The following GBP7 variants were observed in gnomAD, a reference collection of about 807,000 sequenced individuals.
GBP7 encodes the protein guanylate-binding protein 7.
Under a neutral mutation model 61.3 loss-of-function variants are expected in GBP7, and 43 were observed. The ratio of observed to expected loss-of-function variants is 0.70; its 90% confidence interval spans 0.55 to 0.91. The LOEUF is 0.91. Ranked by LOEUF, GBP7 falls within the 40% of genes least tolerant of loss-of-function variation. The probability of loss-of-function intolerance (pLI) is 0.00; values close to 1 mark genes in which losing one functional copy is unlikely to be tolerated. For synonymous variants in GBP7, 267 were observed against 271.0 expected, an observed-to-expected ratio of 0.99 and a Z score of 0.14; for missense variants, 717 against 740.5, an observed-to-expected ratio of 0.97 and a Z score of 0.37.
intron 3 of GBP7, among the ~76,000 whole-genome samples, chr1:89,158,148 A>G (rs1010894780): frequency 5.3e-5 from 8 of 152,228 alleles, no homozygotes; most frequent in African/African-American, 1.9e-4. Flanking sequence ...AAGGCCTTGG[A>G]CAAATTCAAC....
At chr1:89,158,703 G>A (rs1039922889) in intron 3 of GBP7, among the ~76,000 whole-genome samples, 1 of 152,068 alleles carries the variant, frequency 6.6e-6, no homozygotes, top group African/African-American at 2.4e-5. Context: ...GCTCAATGAA[G>A]TAAAAGAGGA....
chr1:89,153,654 A>G (rs76484374), intron 3 of GBP7, among the ~76,000 whole-genome samples: 3,254 of 152,344 alleles, frequency 0.021, 35 homozygotes, highest in Middle Eastern at 0.048. Flanking sequence ...GGAGTGGCAG[A>G]TAGCATTGTC....
intron 3 of GBP7, among the ~76,000 whole-genome samples, chr1:89,161,785 G>A (rs1647276937): frequency 6.6e-6 from 1 of 152,004 alleles, no homozygotes; most frequent in Admixed American, 6.6e-5. Flanking sequence ...GTTCCCATTT[G>A]TCAATTTTTG....
intron 8 of GBP7, among the ~76,000 whole-genome samples, chr1:89,142,002 C>T (rs1401438764): frequency 1.3e-5 from 2 of 152,180 alleles, no homozygotes; most frequent in East Asian, 1.9e-4. Context: ...GAAGGCCTGC[C>T]TACCCTTTTC....
chr1:89,169,833 G>A (rs1647549437), intron 2 of GBP7, among the ~76,000 whole-genome samples: 1 of 152,158 alleles, frequency 6.6e-6, no homozygotes, highest in African/African-American at 2.4e-5. Flanking sequence ...AAGAATGATA[G>A]AACAATACTT....
intron 3 of GBP7, among the ~76,000 whole-genome samples, chr1:89,158,564 T>C (rs1682366239): frequency 6.6e-6 from 1 of 152,008 alleles, no homozygotes; most frequent in African/African-American, 2.4e-5. Flanking sequence ...TATACACCAA[T>C]AACAGACAAA....
chr1:89,151,765 T>C (rs1310772588), intron 5 of GBP7, among the ~76,000 whole-genome samples: 1 of 152,162 alleles, frequency 6.6e-6, no homozygotes, highest in East Asian at 1.9e-4. Flanking sequence ...ATTTCCTGAA[T>C]CATTAACTGT....
intron 2 of GBP7, among the ~76,000 whole-genome samples, chr1:89,165,405 T>C (rs1614615): frequency 0.74 from 111,996 of 151,694 alleles, 41,601 homozygotes; most frequent in African/African-American, 0.81. Flanking sequence ...GAGGCTGAGG[T>C]AGGGGAGTCG....
chr1:89,169,623 A>G (rs1384890102), intron 2 of GBP7, among the ~76,000 whole-genome samples: 1 of 152,200 alleles, frequency 6.6e-6, no homozygotes, highest in Non-Finnish European at 1.5e-5. Flanking sequence ...TGGAATTGCT[A>G]AAATAAAAAA....
chr1:89,156,888 C>G (rs1315435774), intron 3 of GBP7, among the ~76,000 whole-genome samples: 1 of 152,228 alleles, frequency 6.6e-6, no homozygotes, highest in African/African-American at 2.4e-5. Flanking sequence ...CACCCCAAAT[C>G]AACAGAATAT....
At chr1:89,162,036 C>T (rs1171182483) in intron 3 of GBP7, among the ~76,000 whole-genome samples, 2 of 119,762 alleles carry the variant, frequency 1.7e-5, no homozygotes, top group East Asian at 2.7e-4. Context: ...AATCTTTTCC[C>T]CATTGCTTTT....
rs1682170565 is a variant in GBP7, at chr1:89,150,540, T to C, written c.661A>G (p.Arg221Gly). The C allele has an allele frequency of 3.7e-6, 6 of 1,613,986 alleles. No individual in the cohort carries two copies. Among genetic ancestry groups the C allele is most frequent in the Non-Finnish European group, 5.1e-6 (6 of 1,179,876 alleles). ...GGAAAGAAATGCCTGATCCACTCCC[T>C]GGGCTTGTTAGAATTTTGGATTTGG... is the stretch of plus-strand genomic sequence containing the variant. ...NPQIQNSNKP[R>G]EWIRHFFPKQ... is the part of the protein sequence containing the mutation. Residue 221 changes from arginine to glycine, a missense_variant, in exon 6 of 11, where the codon AGG (arginine) becomes GGG (glycine). Physicochemically the swap from Arg to Gly is moderately radical, Grantham distance 125. Coordinates refer to ENST00000294671, the MANE Select transcript of GBP7 (RefSeq NM_207398.3).
chr1:89,157,813 A>G (rs1570356116), intron 3 of GBP7, among the ~76,000 whole-genome samples: 1 of 152,156 alleles, frequency 6.6e-6, no homozygotes, highest in African/African-American at 2.4e-5. Context: ...TTCTGAAACT[A>G]TTCCAATCAG....
At position 89,152,766 on chromosome 1, in the gene GBP7, C is replaced by T; in HGVS notation, c.330G>A (p.Lys110=). The change falls in exon 4 of 11, where the codon AAG becomes AAA. Residue 110 remains lysine, a synonymous_variant. Transcript: ENST00000294671. The part of the protein sequence containing the change: ...GLGDMEKSDP[K]SDSWIFALAV... ...CCAGGGCAAAGATCCACGAGTCACT[C>T]TTAGGGTCACTCTAGTGTTAAAGAA... 6.4e-7 allele frequency: 1 copy of T among 1,571,624 alleles called. No homozygotes were observed. The highest frequency in any genetic ancestry group is 1.1e-5 in the South Asian group (1 of 89,216).
At chr1:89,165,634 T>C (rs1215796987) in intron 2 of GBP7, among the ~76,000 whole-genome samples, 5 of 152,088 alleles carry the variant, frequency 3.3e-5, no homozygotes, top group Admixed American at 2.6e-4. Flanking sequence ...TGGATGAAGC[T>C]GGAAACCATC....
intron 3 of GBP7, among the ~76,000 whole-genome samples, chr1:89,156,531 A>C (rs189224207): frequency 6.2e-4 from 94 of 152,300 alleles, no homozygotes; most frequent in African/African-American, 2.1e-3. Context: ...AATGGAAAAC[A>C]AACAAAAAAA....
chr1:89,151,679 G>A (rs1682202971), intron 5 of GBP7, among the ~76,000 whole-genome samples: 1 of 152,008 alleles, frequency 6.6e-6, no homozygotes, highest in African/African-American at 2.4e-5. Context: ...GAATGAAGTA[G>A]GTGATGTTAT....
intron 9 of GBP7, among the ~76,000 whole-genome samples, chr1:89,138,404 G>A (rs1326811570): frequency 2.0e-5 from 3 of 152,060 alleles, no homozygotes; most frequent in Non-Finnish European, 4.4e-5. Context: ...CACATGACTT[G>A]AGTTTAAACT....
intron 8 of GBP7, among the ~76,000 whole-genome samples, chr1:89,142,906 A>G (rs1261791642): frequency 6.6e-6 from 1 of 152,170 alleles, no homozygotes; most frequent in African/African-American, 2.4e-5. Context: ...TCATTGTGAT[A>G]TAGTACGCCA....
Sources: allele counts gnomAD v4.1 joint callset (sites outside exome capture counted in the v4.1 genomes callset), GRCh38; gene constraint gnomAD v4.1.1; transcripts MANE v1.5; gene names NCBI Gene and HGNC (gene_info 2026-07-23, HGNC 2026-07-21).